IRAG2: variants seen among roughly 807,000 people sequenced by gnomAD.
The protein encoded by IRAG2 is lymphoid restricted membrane protein.
Under a neutral mutation model 69.9 loss-of-function variants are expected in IRAG2, and 45 were observed. That is an observed-to-expected ratio of 0.64 (90% CI 0.51 to 0.83). IRAG2 has a LOEUF of 0.83. Among genes scored for constraint, IRAG2 ranks in the 40% least tolerant of loss-of-function variants. The probability of loss-of-function intolerance (pLI) is 0.00; values close to 1 mark genes in which losing one functional copy is unlikely to be tolerated. For missense variants in IRAG2, 520 were observed against 587.0 expected, an observed-to-expected ratio of 0.89 and a Z score of 1.18; for synonymous variants, 193 against 202.4, an observed-to-expected ratio of 0.95 and a Z score of 0.40.
chr12:25,003,050 G>A (rs144168089), upstream of IRAG2, among the ~76,000 whole-genome samples: 26 of 152,300 alleles, frequency 1.7e-4, no homozygotes, highest in Non-Finnish European at 3.4e-4. Flanking sequence ...GGTGGAAACT[G>A]CACTGGCTAG....
upstream of IRAG2, among the ~76,000 whole-genome samples, chr12:25,050,307 G>A (rs1005831868): frequency 3.3e-5 from 5 of 151,846 alleles, no homozygotes; most frequent in Non-Finnish European, 7.4e-5. Context: ...GAGACAGGCG[G>A]ATCTCGAGGT....
chr12:25,066,567 T>C (rs1945994476), intron 5 of IRAG2, 55 bp downstream of exon 5: 3 of 400,464 alleles, frequency 7.5e-6, no homozygotes, highest in Non-Finnish European at 1.3e-5. Flanking sequence ...CCCATTCCCA[T>C]TGCCTAACAT....
intron 1 of IRAG2, among the ~76,000 whole-genome samples, chr12:25,060,668 C>CTT (rs753591747): frequency 1.8e-3 from 178 of 99,206 alleles, no homozygotes; most frequent in East Asian, 2.6e-3. Flanking sequence ...AATGTATTTT[C>CTT]TTTTTTTTTT....
intron 3 of IRAG2, among the ~76,000 whole-genome samples, chr12:25,014,936 T>A (rs1944508943): frequency 6.6e-6 from 1 of 151,800 alleles, no homozygotes; most frequent in African/African-American, 2.4e-5. Flanking sequence ...ATGTACCACC[T>A]ACATTAGAAA....
At chr12:25,099,981 C>T (rs1948651894) in intron 15 of IRAG2, among the ~76,000 whole-genome samples, 1 of 88,946 alleles carries the variant, frequency 1.1e-5, no homozygotes, top group Non-Finnish European at 2.0e-5. Context: ...GCCTGGGCAA[C>T]AAGAGTGAGA....
chr12:25,102,690 C>A (rs1302302078), intron 17 of IRAG2: 1 of 157,372 alleles, frequency 6.4e-6, no homozygotes, highest in Non-Finnish European at 1.4e-5. Context: ...TATTCCCTCT[C>A]CCTGTAAAGA....
intron 3 of IRAG2, among the ~76,000 whole-genome samples, chr12:25,013,790 A>T (rs938222965): frequency 6.6e-6 from 1 of 151,612 alleles, no homozygotes; most frequent in South Asian, 2.1e-4. Flanking sequence ...AAAAATATGC[A>T]TAGGAAAATA....
At chr12:25,019,852 T>G (rs1481867550) in intron 6 of IRAG2, among the ~76,000 whole-genome samples, 2 of 152,242 alleles carry the variant, frequency 1.3e-5, no homozygotes, top group Non-Finnish European at 2.9e-5. Context: ...GCCTAGTGCT[T>G]AGTAGAATAC....
At chr12:25,090,521 G>C (rs1396722347) in intron 14 of IRAG2, among the ~76,000 whole-genome samples, 2 of 152,088 alleles carry the variant, frequency 1.3e-5, no homozygotes, top group African/African-American at 2.4e-5. Context: ...TACCAGCTTG[G>C]GTGACAGAGT....
At chr12:25,019,673 A>G (rs762672809) in intron 6 of IRAG2, among the ~76,000 whole-genome samples, 4 of 152,168 alleles carry the variant, frequency 2.6e-5, no homozygotes, top group Non-Finnish European at 5.9e-5. Flanking sequence ...GGCAGCATTC[A>G]GGTGGGAAAT....
At chr12:25,081,904 T>C (rs1486755623) in intron 9 of IRAG2, among the ~76,000 whole-genome samples, 2 of 152,182 alleles carry the variant, frequency 1.3e-5, no homozygotes, top group African/African-American at 4.8e-5. Flanking sequence ...AGTTGGTTTT[T>C]GGTGCACATG....
At chr12:25,046,165 C>T (rs1398759410) in intron 16 of IRAG2, among the ~76,000 whole-genome samples, 3 of 152,016 alleles carry the variant, frequency 2.0e-5, no homozygotes, top group African/African-American at 4.8e-5. Context: ...TAAAATTTAA[C>T]AGTATTTTGT....
Position 25,075,521 on chromosome 12 carries a change from C to CATGTGTGT in IRAG2, c.25-3723_25-3722insATGTGTGT, listed in dbSNP as rs750386542. Among the ~76,000 whole-genome samples the CATGTGTGT allele has an allele frequency of 5.0e-4, 69 of 139,370 alleles. 1 individual carries two copies. Among genetic ancestry groups the CATGTGTGT allele is most frequent in the African/African-American group, 1.7e-3 (65 of 38,280 alleles). The allele number at this position is 139,370 out of a possible 152,430, so 91.4% of individuals were successfully genotyped here. On this transcript the variant is annotated intron_variant, in intron 6 of 21. Coordinates refer to ENST00000556887, the MANE Select transcript of IRAG2 (RefSeq NM_001366544.2). ...AATAATATTGCTGTGTGTGTGTATGCGTGTGTGTGTGTGTGTGTGTGTGTG... is the reference window on the plus strand; with the variant it reads ...AATAATATTGCTGTGTGTGTGTATGCATGTGTGTGTGTGTGTGTGTGTGTGTGTGTGTG...
intron 10 of IRAG2, chr12:25,030,439 T>G (rs1324031328): frequency 1.4e-6 from 1 of 724,230 alleles, no homozygotes; most frequent in Non-Finnish European, 1.9e-6. Context: ...CAGGCTGGAG[T>G]GCAATGGCAT....
At chr12:25,016,360 C>CCA (rs1944528714) in intron 5 of IRAG2, among the ~76,000 whole-genome samples, 1 of 152,142 alleles carries the variant, frequency 6.6e-6, no homozygotes, top group Non-Finnish European at 1.5e-5. Flanking sequence ...TAAACATTGA[C>CCA]AAGTTATACA....
intron 20 of IRAG2, among the ~76,000 whole-genome samples, chr12:25,104,916 A>G (rs1948952610): frequency 6.6e-6 from 1 of 152,186 alleles, no homozygotes; most frequent in African/African-American, 2.4e-5. Context: ...AGTAGAGGAA[A>G]CATGAAATTC....
intron 12 of IRAG2, among the ~76,000 whole-genome samples, chr12:25,032,851 G>A (rs1944678560): frequency 6.6e-6 from 1 of 152,130 alleles, no homozygotes; most frequent in Non-Finnish European, 1.5e-5. Context: ...ATTGGGGTTA[G>A]GAATTCAATA....
At chr12:25,030,441 C>A (rs928820448) in intron 10 of IRAG2, 2 of 727,422 alleles carry the variant, frequency 2.7e-6, no homozygotes, top group African/African-American at 3.7e-5. Context: ...GGCTGGAGTG[C>A]AATGGCATGA....
intron 9 of IRAG2, among the ~76,000 whole-genome samples, chr12:25,029,794 C>T (rs1944655009): frequency 6.6e-6 from 1 of 152,174 alleles, no homozygotes; most frequent in Non-Finnish European, 1.5e-5. Flanking sequence ...CATCCTCCAG[C>T]CTCAGCCTCC....
Sources: gnomAD v4.1 joint callset for allele counts (sites outside exome capture counted in the v4.1 genomes callset) on GRCh38, gnomAD v4.1.1 for gene constraint, MANE v1.5 for transcripts, NCBI Gene and HGNC (gene_info 2026-07-23, HGNC 2026-07-21) for gene names.